ALCAM: variants seen among roughly 807,000 people sequenced by gnomAD.
ALCAM encodes the protein activated leukocyte cell adhesion molecule, also known as CD166 antigen.
ALCAM carries 30 observed loss-of-function variants against 70.9 expected under a neutral mutation model. That is an observed-to-expected ratio of 0.42 (90% confidence interval 0.32 to 0.57). The LOEUF is 0.57. Among genes scored for constraint, ALCAM ranks in the 20% least tolerant of loss-of-function variants. The pLI is 0.11. For missense variants in ALCAM, 591 were observed against 695.1 expected, an observed-to-expected ratio of 0.85 and a Z score of 1.68; for synonymous variants, 249 against 242.5, an observed-to-expected ratio of 1.03 and a Z score of -0.25.
chr3:105,369,259 G>A (rs1026121706), intron 1 of ALCAM, among the ~76,000 whole-genome samples: 2 of 152,168 alleles, frequency 1.3e-5, no homozygotes, highest in African/African-American at 2.4e-5. Context: ...CACGTCGCAG[G>A]ATAGGTTTTT....
At chr3:105,414,243 C>CAAAAA (rs11336904) in intron 1 of ALCAM, among the ~76,000 whole-genome samples, 1 of 138,620 alleles carries the variant, frequency 7.2e-6, no homozygotes. Flanking sequence ...TTCCATCTTA[C>CAAAAA]AAAAAAAAAA....
At chr3:105,406,883 A>G (rs1455099371) in intron 1 of ALCAM, among the ~76,000 whole-genome samples, 1 of 152,168 alleles carries the variant, frequency 6.6e-6, no homozygotes, top group Non-Finnish European at 1.5e-5. Flanking sequence ...ATTGCAACTG[A>G]CACCACAGAA....
In ALCAM at chr3:105,545,262, G is replaced by T; in HGVS notation, c.1031G>T (p.Arg344Ile). The T allele has an allele frequency of 6.2e-7, 1 of 1,609,270 alleles. No individual in the cohort carries two copies. Among genetic ancestry groups the T allele is most frequent in the South Asian group, 1.1e-5 (1 of 91,000 alleles). ...TTAAACCCAAGTGGAGAAGTGACTA[G>T]ACAGATTGGTGATGCCCTACCCGTG... ...LSLNPSGEVT[R>I]QIGDALPVSC... Residue 344 changes from arginine to isoleucine, a missense_variant, in exon 9 of 16, where the codon AGA becomes ATA. Physicochemically the swap from Arg to Ile is moderately conservative, Grantham distance 97. Transcript: ENST00000306107.
At chr3:105,414,753 A>T (rs1936468598) in intron 1 of ALCAM, among the ~76,000 whole-genome samples, 1 of 152,150 alleles carries the variant, frequency 6.6e-6, no homozygotes, top group African/African-American at 2.4e-5. Flanking sequence ...TTATAATTAT[A>T]TTGAAGAAGG....
intron 1 of ALCAM, among the ~76,000 whole-genome samples, chr3:105,382,238 T>C (rs1170097313): frequency 6.6e-6 from 1 of 151,916 alleles, no homozygotes; most frequent in African/African-American, 2.4e-5. Context: ...TGATTTCCAA[T>C]TTCATCCATG....
intron 1 of ALCAM, among the ~76,000 whole-genome samples, chr3:105,420,810 G>A (rs1936630810): frequency 6.6e-6 from 1 of 151,514 alleles, no homozygotes. Flanking sequence ...TGGAGATATT[G>A]CTATGGGAAC....
At chr3:105,539,826 C>A in intron 6 of ALCAM, 149 bp from the exon 7 acceptor site, 1 of 706,986 alleles carries the variant, frequency 1.4e-6, no homozygotes, top group Non-Finnish European at 2.2e-6. Flanking sequence ...TAGCTATTAG[C>A]TTCAATCCTT....
At chr3:105,381,332 A>G (rs16851098) in intron 1 of ALCAM, among the ~76,000 whole-genome samples, 15,013 of 151,948 alleles carry the variant, frequency 0.099, 1,075 homozygotes, top group East Asian at 0.25. Context: ...GAATTATAAA[A>G]TTGCCAGCTG....
intron 1 of ALCAM, among the ~76,000 whole-genome samples, chr3:105,369,326 G>T (rs1935162896): frequency 6.6e-6 from 1 of 152,186 alleles, no homozygotes; most frequent in Non-Finnish European, 1.5e-5. Flanking sequence ...CCTTCACGGT[G>T]GTTCTTTTGG....
chr3:105,502,692 A>T (rs1316694949), intron 1 of ALCAM, among the ~76,000 whole-genome samples: 1 of 152,228 alleles, frequency 6.6e-6, no homozygotes, highest in Non-Finnish European at 1.5e-5. Context: ...CATATAAATG[A>T]TATTTTCCAC....
In ALCAM at chr3:105,421,054, C is replaced by A. The variant is rs545527869; in HGVS notation, c.73+53573C>A. ...AGAAAATGATCTATAGTAAATATTT[C>A]TTTTTATTCCTCAGGCAGTACTTAA... is the stretch of plus-strand genomic sequence containing the variant. On this transcript the variant is annotated intron_variant, in intron 1 of 15. Coordinates refer to ENST00000306107, the MANE Select transcript of ALCAM (RefSeq NM_001627.4). Among the ~76,000 whole-genome samples the A allele has an allele frequency of 3.3e-5, 5 of 151,424 alleles. 1 individual carries two copies. The South Asian group carries it at 1.0e-3, about 32-fold the overall frequency.
At chr3:105,551,416 C>G (rs1365423550) in intron 12 of ALCAM, among the ~76,000 whole-genome samples, 1 of 151,534 alleles carries the variant, frequency 6.6e-6, no homozygotes, top group Non-Finnish European at 1.5e-5. Flanking sequence ...TTTTCAAATT[C>G]AGTGAGCACC....
At chr3:105,471,744 A>C (rs1185388084) in intron 1 of ALCAM, among the ~76,000 whole-genome samples, 2 of 151,290 alleles carry the variant, frequency 1.3e-5, no homozygotes, top group Non-Finnish European at 3.0e-5. Context: ...TGAAATGGTT[A>C]AATCTAGCTA....
chr3:105,566,473 A>T (rs955900098), intron 14 of ALCAM, among the ~76,000 whole-genome samples: 2 of 152,212 alleles, frequency 1.3e-5, no homozygotes, highest in African/African-American at 4.8e-5. Context: ...TATCAATTAT[A>T]TGTAAGACCA....
At chr3:105,436,785 G>A (rs1937058502) in intron 1 of ALCAM, among the ~76,000 whole-genome samples, 1 of 152,184 alleles carries the variant, frequency 6.6e-6, no homozygotes, top group East Asian at 1.9e-4. Flanking sequence ...CAGGGTTGGA[G>A]TGGGGAATGA....
chr3:105,489,410 C>T (rs1227877103), intron 1 of ALCAM, among the ~76,000 whole-genome samples: 4 of 152,032 alleles, frequency 2.6e-5, no homozygotes, highest in Non-Finnish European at 5.9e-5. Flanking sequence ...ATTGTTCAGT[C>T]AAAAGTCAGA....
At chr3:105,397,142 G>A (rs1001042503) in intron 1 of ALCAM, among the ~76,000 whole-genome samples, 1 of 152,042 alleles carries the variant, frequency 6.6e-6, no homozygotes, top group Non-Finnish European at 1.5e-5. Context: ...GTGAAATGAT[G>A]AGGCCATTAC....
At chr3:105,429,311 C>T (rs971097935) in intron 1 of ALCAM, among the ~76,000 whole-genome samples, 3 of 151,868 alleles carry the variant, frequency 2.0e-5, no homozygotes, top group African/African-American at 7.3e-5. Flanking sequence ...AAATGAGAAG[C>T]ATGTTTTATT....
At chr3:105,419,585 A>G (rs1401854520) in intron 1 of ALCAM, among the ~76,000 whole-genome samples, 2 of 151,802 alleles carry the variant, frequency 1.3e-5, no homozygotes, top group East Asian at 3.9e-4. Flanking sequence ...GGGAAAGTCC[A>G]GGGACAAAGA....
Sources: allele counts gnomAD v4.1 joint callset (sites outside exome capture counted in the v4.1 genomes callset), GRCh38; gene constraint gnomAD v4.1.1; transcripts MANE v1.5; gene names NCBI Gene and HGNC (gene_info 2026-07-23, HGNC 2026-07-21).